Variants in ZNF469 observed in about 807,000 individuals in gnomAD.
ZNF469 encodes zinc finger protein 469.
In ZNF469, 1 loss-of-function variant was observed where a neutral mutation model predicts 1.0. That is an observed-to-expected ratio of 1.00 (90% CI 0.35 to 4.73). The LOEUF (loss-of-function observed/expected upper bound fraction) is 4.73. Ranked by LOEUF, ZNF469 falls within the 30% of genes most tolerant of loss-of-function variation. The probability of loss-of-function intolerance (pLI) is 0.16; values close to 1 mark genes in which losing one functional copy is unlikely to be tolerated. For missense variants in ZNF469, 6,100 were observed against 5,356.3 expected (o/e 1.14, Z -4.33); for synonymous variants, 2,703 against 2,363.4 (o/e 1.14, Z -4.17).
At chr16:88,380,509 A>C (rs1281670062), upstream of ZNF469, among the ~76,000 whole-genome samples, 2 of 134,008 alleles carry the variant, frequency 1.5e-5, no homozygotes, top group Non-Finnish European at 3.2e-5. Context: ...ACTCACACAG[A>C]CATGCACACA....
chr16:88,139,727 G>A, the ZNF469 span, among the ~76,000 whole-genome samples: 40 of 152,298 alleles, frequency 2.6e-4, no homozygotes, highest in African/African-American at 9.6e-4. Context: ...ACATGATGAG[G>A]AAAATTGCTG....
At chr16:88,372,764 A>G in the ZNF469 span, among the ~76,000 whole-genome samples, 1 of 150,496 alleles carries the variant, frequency 6.6e-6, no homozygotes, top group African/African-American at 2.5e-5. Flanking sequence ...CATCTTTACC[A>G]TCTTCACCAT....
At chr16:88,239,847 A>C in the ZNF469 span, among the ~76,000 whole-genome samples, 1 of 148,744 alleles carries the variant, frequency 6.7e-6, no homozygotes, top group East Asian at 2.0e-4. Flanking sequence ...GGTGTGAGCC[A>C]CCATGCCTGG....
the ZNF469 span, among the ~76,000 whole-genome samples, chr16:88,312,358 A>C: frequency 3.9e-5 from 6 of 152,198 alleles, no homozygotes; most frequent in Non-Finnish European, 8.8e-5. Context: ...ACCTTCTTGC[A>C]CCAGCTTCTC....
chr16:88,197,960 T>C, the ZNF469 span, among the ~76,000 whole-genome samples: 1 of 152,234 alleles, frequency 6.6e-6, no homozygotes, highest in Non-Finnish European at 1.5e-5. Flanking sequence ...CACAACCCTC[T>C]ACTCATTAGA....
intron 1 of ZNF469, among the ~76,000 whole-genome samples, chr16:88,383,720 C>T (rs2092531098): frequency 6.6e-6 from 1 of 151,640 alleles, no homozygotes; most frequent in Non-Finnish European, 1.5e-5. Flanking sequence ...GGCCGCCCGC[C>T]CGGGCGTGCT....
At chr16:88,211,513 C>A in the ZNF469 span, among the ~76,000 whole-genome samples, 1 of 151,888 alleles carries the variant, frequency 6.6e-6, no homozygotes, top group Admixed American at 6.6e-5. Flanking sequence ...AACGTTGTTA[C>A]TGACACATGG....
chr16:88,222,298 G>C, the ZNF469 span, among the ~76,000 whole-genome samples: 6 of 152,246 alleles, frequency 3.9e-5, no homozygotes, highest in African/African-American at 1.2e-4. Flanking sequence ...TTGTTTGTTT[G>C]TTTGTTTAGA....
At chr16:88,421,855 T>C (rs1905469845) in intron 1 of ZNF469, among the ~76,000 whole-genome samples, 1 of 152,250 alleles carries the variant, frequency 6.6e-6, no homozygotes, top group Non-Finnish European at 1.5e-5. Flanking sequence ...TGCAGCAATT[T>C]CTTGATTCAC....
intron 1 of ZNF469, among the ~76,000 whole-genome samples, chr16:88,410,468 C>A (rs76722345): frequency 7.6e-6 from 1 of 132,080 alleles, no homozygotes; most frequent in Non-Finnish European, 1.6e-5. Flanking sequence ...CTATGATGCA[C>A]GGTTCACGGT....
In ZNF469 at chr16:88,429,133, G is replaced by A. The variant is rs749179728; in HGVS notation, c.1663G>A (p.Asp555Asn). The A allele has an allele frequency of 3.3e-5, 51 of 1,549,964 alleles. No individual in the cohort carries two copies. The East Asian group carries it at 1.2e-3, about 36-fold the overall frequency. The change falls in exon 3 of 3, where the codon GAC becomes AAC. Residue 555 changes from aspartate to asparagine, a missense_variant. Physicochemically the swap from Asp to Asn is conservative, Grantham distance 23 (BLOSUM62 1). Transcript: ENST00000565624. Reference sequence around the variant, plus strand: ...ACTGTTCACCTACAACGGAATGACAGACCCTGGGGCTCAGCCCCTGTTCTT... The same window carrying A: ...ACTGTTCACCTACAACGGAATGACAAACCCTGGGGCTCAGCCCCTGTTCTT... Reference protein sequence around the residue: ...PALFTYNGMTDPGAQPLFFGV... With the variant: ...PALFTYNGMTNPGAQPLFFGV...
At chr16:88,203,806 A>T in the ZNF469 span, among the ~76,000 whole-genome samples, 156 of 151,928 alleles carry the variant, frequency 1.0e-3, 2 homozygotes, top group Non-Finnish European at 4.1e-4. Context: ...GGCCCACCCT[A>T]CTCCAGCGCA....
chr16:88,337,257 C>T, the ZNF469 span, among the ~76,000 whole-genome samples: 17 of 152,190 alleles, frequency 1.1e-4, no homozygotes, highest in South Asian at 4.2e-4. Context: ...ATCATGGGGG[C>T]GGGCCTTTCC....
chr16:88,288,011 T>C, the ZNF469 span, among the ~76,000 whole-genome samples: 12 of 152,226 alleles, frequency 7.9e-5, no homozygotes, highest in African/African-American at 2.9e-4. Context: ...ACTCCAGTTG[T>C]ATAAATCTCC....
the ZNF469 span, among the ~76,000 whole-genome samples, chr16:88,138,535 G>T: frequency 6.6e-6 from 1 of 152,320 alleles, no homozygotes; most frequent in African/African-American, 2.4e-5. Context: ...AAAGGAATCT[G>T]CCCCTAGACA....
the ZNF469 span, among the ~76,000 whole-genome samples, chr16:88,152,356 C>T: frequency 6.6e-6 from 1 of 152,242 alleles, no homozygotes; most frequent in African/African-American, 2.4e-5. This position sits in a 1 kb window ranked among gnomAD's most constrained non-coding sequence, Gnocchi z 4.2. Context: ...AGCTCTCCAA[C>T]ACTCCTCTGC....
chr16:88,108,086 TAAGGACATTTGCACGTCTGTGGGGA>T, the ZNF469 span, among the ~76,000 whole-genome samples: 2 of 151,136 alleles, frequency 1.3e-5, no homozygotes, highest in Admixed American at 1.3e-4. Context: ...TTTGAAGAAA[TAAGGACATTTGCACGTCTGTGGGGA>T]TGTGGGGATG....
At chr16:88,185,341 A>G in the ZNF469 span, among the ~76,000 whole-genome samples, 2 of 152,170 alleles carry the variant, frequency 1.3e-5, no homozygotes, top group African/African-American at 2.4e-5. Flanking sequence ...TCACATGAAT[A>G]CAATGCATGC....
chr16:88,247,096 CGAGTGAGTGAATGATTGAAT>C, the ZNF469 span, among the ~76,000 whole-genome samples: 1 of 138,874 alleles, frequency 7.2e-6, no homozygotes, highest in South Asian at 2.4e-4. Flanking sequence ...ACTGAGTGAA[CGAGTGAGTGAATGATTGAAT>C]GAGTGAGTGA....
Sources: gnomAD v4.1 joint callset for allele counts (sites outside exome capture counted in the v4.1 genomes callset) on GRCh38, gnomAD v4.1.1 for gene constraint, Gnocchi (gnomAD v3.1) non-coding constraint, MANE v1.5 for transcripts, NCBI Gene and HGNC (gene_info 2026-07-23, HGNC 2026-07-21) for gene names.